The following TMC2 variants were observed in gnomAD, a reference collection of about 807,000 sequenced individuals.
The protein encoded by TMC2 is transmembrane channel like 2, also known as transmembrane channel-like protein 2.
Under a neutral mutation model 105.9 loss-of-function variants are expected in TMC2, and 102 were observed. The observed-to-expected ratio is 0.96, with a 90% CI of 0.82 to 1.14. The LOEUF is 1.14. Among genes scored for constraint, TMC2 ranks in the 50% most tolerant of loss-of-function variants. The pLI, the probability that TMC2 is intolerant of heterozygous loss-of-function variation, is 0.00. For synonymous variants in TMC2, 402 were observed against 422.8 expected, an observed-to-expected ratio of 0.95 and a Z score of 0.60; for missense variants, 1,093 against 1,134.3, an observed-to-expected ratio of 0.96 and a Z score of 0.52.
In TMC2 at chr20:2,641,368, G is replaced by A. The variant is rs1228488139; in HGVS notation, c.*17G>A. The A allele has an allele frequency of 8.9e-6, 14 of 1,572,996 alleles. No individual in the cohort carries two copies. The highest frequency in any genetic ancestry group is 3.3e-5 in the South Asian group (3 of 89,760). On this transcript the variant is annotated 3_prime_UTR_variant, in exon 20 of 20. Transcript: ENST00000358864. ...CCCCACTGATGGCTAGGACTCCAGG[G>A]AGCCTCGACCCTAGGGCTGATCCTC...
intron 12 of TMC2, 23 bp from the exon 13 acceptor site, chr20:2,612,168 C>G (rs370128237): frequency 2.5e-6 from 4 of 1,572,692 alleles, no homozygotes; most frequent in African/African-American, 1.3e-5. Flanking sequence ...CTTCCTACCC[C>G]ACACCTCCAT....
intron 3 of TMC2, 103 bp from the exon 4 acceptor site, chr20:2,561,755 G>A (rs1439012715): frequency 7.1e-6 from 10 of 1,404,238 alleles, no homozygotes; most frequent in Non-Finnish European, 9.7e-6. Context: ...TCTGAGCAGG[G>A]GAAGGGGTGC....
chr20:2,563,075 G>A (rs773975341), intron 4 of TMC2, among the ~76,000 whole-genome samples: 2 of 151,924 alleles, frequency 1.3e-5, no homozygotes, highest in Admixed American at 6.6e-5. Flanking sequence ...TTGCCACAGC[G>A]TTGGGAGTGG....
chr20:2,573,592 A>T (rs1386044908), intron 5 of TMC2, among the ~76,000 whole-genome samples: 1 of 116,654 alleles, frequency 8.6e-6, no homozygotes, highest in Non-Finnish European at 1.6e-5. Context: ...ACGGAGTCTC[A>T]CTCTGTTGCC....
At chr20:2,597,337 T>C (rs2086316180) in intron 10 of TMC2, 39 bp downstream of exon 10, 2 of 1,596,878 alleles carry the variant, frequency 1.3e-6, no homozygotes, top group African/African-American at 2.7e-5. Flanking sequence ...CGGAGAACTC[T>C]AGGTCCCTCT....
chr20:2,626,879 A>AGG (rs1327913585), intron 17 of TMC2, among the ~76,000 whole-genome samples: 5 of 152,254 alleles, frequency 3.3e-5, no homozygotes, highest in Non-Finnish European at 7.3e-5. Context: ...AGAACGGGTC[A>AGG]GGGGACTCCT....
At chr20:2,633,581 G>A (rs1180841323) in intron 17 of TMC2, among the ~76,000 whole-genome samples, 1 of 152,180 alleles carries the variant, frequency 6.6e-6, no homozygotes, top group Non-Finnish European at 1.5e-5. Flanking sequence ...CTTTGAGCCA[G>A]GTCAAATAAA....
At chr20:2,550,049 G>T (rs1189299799) in intron 2 of TMC2, among the ~76,000 whole-genome samples, 1 of 151,970 alleles carries the variant, frequency 6.6e-6, no homozygotes. Context: ...TGGGCATAGT[G>T]GTGCGCACCT....
At chr20:2,582,113 G>C (rs143443710) in intron 7 of TMC2, among the ~76,000 whole-genome samples, 1 of 152,168 alleles carries the variant, frequency 6.6e-6, no homozygotes, top group Non-Finnish European at 1.5e-5. Flanking sequence ...TGCTAGATCC[G>C]GGTAATATCA....
intron 5 of TMC2, among the ~76,000 whole-genome samples, chr20:2,575,265 G>GT (rs1165374798): frequency 6.6e-6 from 1 of 152,072 alleles, no homozygotes; most frequent in Non-Finnish European, 1.5e-5. Flanking sequence ...GGATCCATGT[G>GT]TTTTTTAAAA....
At chr20:2,620,888 G>T (rs1045263635) in intron 16 of TMC2, among the ~76,000 whole-genome samples, 1 of 152,296 alleles carries the variant, frequency 6.6e-6, no homozygotes, top group Non-Finnish European at 1.5e-5. Context: ...TGGAACTGGT[G>T]ATTCCTTTCT....
Position 2,558,801 on chromosome 20 carries a change from T to G in TMC2, c.401+27T>G, listed in dbSNP as rs1344062972. 6.6e-7 allele frequency: 1 copy of G among 1,505,542 alleles called. No homozygotes were observed. The allele number at this position is 1,505,542 out of a possible 1,614,324, so 93.3% of individuals were successfully genotyped here. The stretch of plus-strand genomic sequence containing the variant: ...TGTGTTGTGGCTCCGATTCTGGGCA[T>G]TCGCTCCGCGCGCTCCCGCTCCTTC... On this transcript the variant is annotated intron_variant, in intron 3 of 19. Coordinates refer to ENST00000358864, the MANE Select transcript of TMC2 (RefSeq NM_080751.3). The surrounding 1 kb of genome is among the most constrained non-coding windows in gnomAD (Gnocchi z 4.6).
chr20:2,565,493 T>G (rs2086057545), intron 4 of TMC2, among the ~76,000 whole-genome samples: 1 of 142,832 alleles, frequency 7.0e-6, no homozygotes, highest in African/African-American at 2.4e-5. Context: ...TATTCCCACC[T>G]TGGCCTCCCA....
intron 4 of TMC2, among the ~76,000 whole-genome samples, chr20:2,567,386 T>C (rs1390601972): frequency 6.6e-6 from 1 of 152,138 alleles, no homozygotes; most frequent in African/African-American, 2.4e-5. Flanking sequence ...AAACATAAGA[T>C]TTAAATAATA....
rs1465285774 is a variant in TMC2, at chr20:2,561,712, T to C, written c.402-146T>C. On this transcript the variant is annotated intron_variant, in intron 3 of 19. Transcript: ENST00000358864. The stretch of plus-strand genomic sequence containing the variant: ...TGGGCTACAGGGTAGAATTTTGGCC[T>C]CCGCTGCCAGGCAATGGGAGTCACT... The C allele has an allele frequency of 3.8e-6, 4 of 1,039,562 alleles. No individual in the cohort carries two copies. The African/African-American group carries it at 6.4e-5, about 17-fold the overall frequency. 64.4% of individuals were successfully genotyped at this position (1,039,562 alleles called of 1,614,324 possible). A position where few individuals can be genotyped will look rare whatever the true frequency, so the allele number is the denominator to read the frequency against.
chr20:2,617,225 C>T lies in TMC2; in HGVS notation c.2094C>T (p.Leu698=), dbSNP rs1161787086. The T allele has an allele frequency of 3.1e-6, 5 of 1,614,104 alleles. No individual in the cohort carries two copies. Among genetic ancestry groups the T allele is most frequent in the African/African-American group, 1.3e-5 (1 of 74,930 alleles). ...GATCCAACAACTTCTACATGGGCCT[C>T]CTGCTGCTGGTGCTCTTCCTCAGCC... The part of the protein sequence containing the change: ...ASRSNNFYMG[L]LLLVLFLSLL... The change falls in exon 16 of 20, where the codon CTC becomes CTT. Residue 698 remains leucine (L), a synonymous_variant. Coordinates refer to ENST00000358864, the MANE Select transcript of TMC2 (RefSeq NM_080751.3).
intron 2 of TMC2, among the ~76,000 whole-genome samples, chr20:2,543,938 T>A (rs1311676129): frequency 6.6e-6 from 1 of 151,038 alleles, no homozygotes; most frequent in East Asian, 1.9e-4. Flanking sequence ...AGTCTCGCTC[T>A]GTCACCCAGG....
In TMC2 at chr20:2,624,426, C is replaced by G. The variant is rs772735877; in HGVS notation, c.2306+30C>G. The G allele has an allele frequency of 5.0e-6, 8 of 1,596,108 alleles. 1 individual carries two copies. In the South Asian group the frequency reaches 7.9e-5, roughly 16 times the overall value. On this transcript the variant is annotated intron_variant, in intron 17 of 19. Coordinates refer to ENST00000358864, the MANE Select transcript of TMC2 (RefSeq NM_080751.3). ...GTTAGCCAGGACCCATGGCTCCACCCCACGGAAACTTCTCCTTGAATTTGA... is the reference window on the plus strand; with the variant it reads ...GTTAGCCAGGACCCATGGCTCCACCGCACGGAAACTTCTCCTTGAATTTGA...
At chr20:2,560,868 G>T (rs2086021641) in intron 3 of TMC2, among the ~76,000 whole-genome samples, 1 of 151,000 alleles carries the variant, frequency 6.6e-6, no homozygotes, top group Non-Finnish European at 1.5e-5. Context: ...GTCAGAATAG[G>T]CTGGAGGCTG....
Sources: allele counts gnomAD v4.1 joint callset (sites outside exome capture counted in the v4.1 genomes callset), GRCh38; gene constraint gnomAD v4.1.1; non-coding constraint Gnocchi (gnomAD v3.1); transcripts MANE v1.5; gene names NCBI Gene and HGNC (gene_info 2026-07-23, HGNC 2026-07-21).